Variants in ELMOD1 observed in about 807,000 individuals in gnomAD.
The protein encoded by ELMOD1 is ELMO domain-containing protein 1.
In ELMOD1, 21 loss-of-function variants were observed where a neutral mutation model predicts 46.7. That is an observed-to-expected ratio of 0.45 (90% CI 0.32 to 0.65). ELMOD1 has a LOEUF of 0.65. Among genes scored for constraint, ELMOD1 ranks in the 30% least tolerant of loss-of-function variants. The pLI, the probability that ELMOD1 is intolerant of heterozygous loss-of-function variation, is 0.04. For missense variants in ELMOD1, 348 were observed against 407.8 expected (o/e 0.85, Z 1.26); for synonymous variants, 122 against 138.2 (o/e 0.88, Z 0.82).
At chr11:107,599,473 G>T (rs1865551087) in intron 1 of ELMOD1, among the ~76,000 whole-genome samples, 1 of 151,982 alleles carries the variant, frequency 6.6e-6, no homozygotes, top group African/African-American at 2.4e-5. Flanking sequence ...CAGGTGCGGT[G>T]GCTCACACCT....
chr11:107,630,095 A>G (rs538976146), intron 2 of ELMOD1, among the ~76,000 whole-genome samples: 1 of 152,304 alleles, frequency 6.6e-6, no homozygotes, highest in Non-Finnish European at 1.5e-5. Context: ...CACAAGCAGT[A>G]TTAAAGGATT....
intron 11 of ELMOD1, among the ~76,000 whole-genome samples, chr11:107,662,802 G>A (rs530591684): frequency 1.3e-5 from 2 of 151,884 alleles, no homozygotes; most frequent in South Asian, 4.2e-4. Context: ...GCACACGCTC[G>A]AATTGCTTGA....
At position 107,635,558 on chromosome 11, in the gene ELMOD1, G is replaced by A. The variant is rs1449702555; in HGVS notation, c.291-78G>A. On this transcript the variant is annotated intron_variant, in intron 5 of 11. Transcript: ENST00000265840. Reference sequence around the variant, plus strand: ...ATATTAATATGAAAAGTTCTATCATGCATACATCAAGTGAACAAATGCCAA... The same window carrying A: ...ATATTAATATGAAAAGTTCTATCATACATACATCAAGTGAACAAATGCCAA... 4 of 1,410,110 alleles carry A rather than the reference G, an allele frequency of 2.8e-6. No homozygotes were observed. In the East Asian group the frequency reaches 7.0e-5, roughly 25 times the overall value. The allele number at this position is 1,410,110 out of a possible 1,614,324, so 87.3% of individuals were successfully genotyped here.
At chr11:107,640,302 G>T (rs1866299807) in intron 6 of ELMOD1, among the ~76,000 whole-genome samples, 1 of 152,136 alleles carries the variant, frequency 6.6e-6, no homozygotes, top group South Asian at 2.1e-4. Context: ...TACTGGTTTA[G>T]CCTTTCAATA....
intron 2 of ELMOD1, among the ~76,000 whole-genome samples, chr11:107,620,879 A>G (rs1045379325): frequency 1.9e-4 from 29 of 152,226 alleles, no homozygotes; most frequent in African/African-American, 6.5e-4. Context: ...AAAAAAAAGA[A>G]GAGAAAAGAA....
intron 2 of ELMOD1, among the ~76,000 whole-genome samples, chr11:107,628,183 T>C (rs1866075735): frequency 6.6e-6 from 1 of 151,042 alleles, no homozygotes; most frequent in East Asian, 1.9e-4. Flanking sequence ...TTTTGTTTTG[T>C]TTGAGACAGA....
Position 107,598,059 on chromosome 11 carries a change from T to C in ELMOD1, c.-86+6650T>C, listed in dbSNP as rs557879385. ...CTTTTCAAAGTATTTGTTTATAGCA[T>C]ACAGTGGACAACTGTCATTCTTTTT... is the stretch of plus-strand genomic sequence containing the variant. On this transcript the variant is annotated intron_variant, in intron 1 of 11. Coordinates refer to ENST00000265840, the MANE Select transcript of ELMOD1 (RefSeq NM_018712.4). 2.2e-3 allele frequency among the ~76,000 whole-genome samples: 329 copies of C among 152,326 alleles called. 3 individuals are homozygous for C. The South Asian group carries it at 0.031, about 14-fold the overall frequency.
At chr11:107,608,595 T>C (rs1865726618) in intron 1 of ELMOD1, among the ~76,000 whole-genome samples, 1 of 152,210 alleles carries the variant, frequency 6.6e-6, no homozygotes, top group African/African-American at 2.4e-5. Flanking sequence ...TTCAGAATTA[T>C]ACTGCCAACA....
At chr11:107,626,376 G>GA (rs111962841) in intron 2 of ELMOD1, among the ~76,000 whole-genome samples, 2,659 of 66,764 alleles carry the variant, frequency 0.04, 44 homozygotes, top group South Asian at 0.097. Flanking sequence ...ATGCAGTCAT[G>GA]AAAAAAAAAA....
chr11:107,634,541 C>T (rs1024602566), intron 5 of ELMOD1, among the ~76,000 whole-genome samples: 9 of 152,078 alleles, frequency 5.9e-5, no homozygotes, highest in Admixed American at 5.2e-4. Flanking sequence ...GAGTTCGAGA[C>T]CAGCCTGGCC....
chr11:107,624,410 G>A (rs1242175649), intron 2 of ELMOD1, among the ~76,000 whole-genome samples: 1 of 152,126 alleles, frequency 6.6e-6, no homozygotes. Flanking sequence ...TAGCACTTTG[G>A]GAGGCTGAGG....
At chr11:107,610,557 G>A (rs1252923806) in intron 1 of ELMOD1, among the ~76,000 whole-genome samples, 6 of 151,592 alleles carry the variant, frequency 4.0e-5, no homozygotes, top group African/African-American at 7.3e-5. Flanking sequence ...TGAGCTACTC[G>A]GGAGGCTGAG....
intron 11 of ELMOD1, among the ~76,000 whole-genome samples, chr11:107,656,961 A>G (rs1262791192): frequency 2.0e-5 from 3 of 152,246 alleles, no homozygotes; most frequent in Non-Finnish European, 4.4e-5. Flanking sequence ...TATTTGAATA[A>G]TAGAAGTGCC....
chr11:107,610,661 T>TAA (rs1191411968), intron 1 of ELMOD1, among the ~76,000 whole-genome samples: 6 of 100,754 alleles, frequency 6.0e-5, no homozygotes, highest in Admixed American at 2.2e-4. Flanking sequence ...AGATCCTATC[T>TAA]AAAAAAAAAA....
chr11:107,617,389 A>T (rs957661735), intron 1 of ELMOD1, among the ~76,000 whole-genome samples: 1 of 152,152 alleles, frequency 6.6e-6, no homozygotes, highest in African/African-American at 2.4e-5. Context: ...CCACTTGCAG[A>T]CACTCTCTCT....
At chr11:107,621,616 AC>A (rs1479938788) in intron 2 of ELMOD1, among the ~76,000 whole-genome samples, 1 of 67,418 alleles carries the variant, frequency 1.5e-5, no homozygotes, top group Admixed American at 1.4e-4. Context: ...AGTGACTTCA[AC>A]AAAGGCACAT....
At chr11:107,607,315 T>G (rs1389073096) in intron 1 of ELMOD1, among the ~76,000 whole-genome samples, 1 of 152,236 alleles carries the variant, frequency 6.6e-6, no homozygotes, top group Non-Finnish European at 1.5e-5. Context: ...TCATTGAAAC[T>G]TTCTCAATTA....
intron 1 of ELMOD1, among the ~76,000 whole-genome samples, chr11:107,614,491 A>G (rs1442926057): frequency 6.6e-6 from 1 of 151,902 alleles, no homozygotes; most frequent in African/African-American, 2.4e-5. Flanking sequence ...GGCACACACC[A>G]CCACACCCGG....
chr11:107,662,320 G>GT (rs927296500), intron 11 of ELMOD1, among the ~76,000 whole-genome samples: 2 of 152,134 alleles, frequency 1.3e-5, no homozygotes, highest in Admixed American at 6.5e-5. Context: ...ATTCTAAAAA[G>GT]TTTTTTGTGG....
Sources: gnomAD v4.1 joint callset for allele counts (sites outside exome capture counted in the v4.1 genomes callset) on GRCh38, gnomAD v4.1.1 for gene constraint, MANE v1.5 for transcripts, NCBI Gene and HGNC (gene_info 2026-07-23, HGNC 2026-07-21) for gene names.